ALDH1L1: variants seen among roughly 807,000 people sequenced by gnomAD.
The protein encoded by ALDH1L1 is cytosolic 10-formyltetrahydrofolate dehydrogenase.
ALDH1L1 carries 68 observed loss-of-function variants against 101.1 expected under a neutral mutation model. The observed-to-expected ratio is 0.67, with a 90% CI of 0.55 to 0.82. The LOEUF (loss-of-function observed/expected upper bound fraction) is 0.82. Among genes scored for constraint, ALDH1L1 ranks in the 40% least tolerant of loss-of-function variants. The probability of loss-of-function intolerance (pLI) is 0.00; values close to 1 mark genes in which losing one functional copy is unlikely to be tolerated. For missense variants in ALDH1L1, 1,087 were observed against 1,172.7 expected (o/e 0.93, Z 1.07); for synonymous variants, 486 against 470.8 (o/e 1.03, Z -0.42).
At chr3:126,183,665 C>T (rs768920250), upstream of ALDH1L1, among the ~76,000 whole-genome samples, 4 of 152,174 alleles carry the variant, frequency 2.6e-5, no homozygotes, top group Non-Finnish European at 5.9e-5. Flanking sequence ...GGAGCAGGCA[C>T]GTCTACAGTG....
At chr3:126,145,511 G>A (rs888785976) in intron 9 of ALDH1L1, among the ~76,000 whole-genome samples, 16 of 152,182 alleles carry the variant, frequency 1.1e-4, no homozygotes, top group Admixed American at 3.9e-4. Context: ...ATAAAAAGAA[G>A]GCAGTCCTGC....
intron 8 of ALDH1L1, 129 bp from the exon 9 acceptor site, chr3:126,147,055 A>G: frequency 1.2e-6 from 1 of 812,066 alleles, no homozygotes; most frequent in Non-Finnish European, 1.9e-6. Flanking sequence ...TGTACCTCCA[A>G]GTTGTTGCCT....
At position 126,154,635 on chromosome 3, in the gene ALDH1L1, C is replaced by A. The variant is rs1465398585; in HGVS notation, c.639G>T (p.Trp213Cys). Reference sequence around the variant, plus strand: ...TGTGAATGGCCTCTGCCGGCTGGTCCCAGTTGATCTGTGGGGAGCAAGGTG... The same window carrying A: ...TGTGAATGGCCTCTGCCGGCTGGTCACAGTTGATCTGTGGGGAGCAAGGTG... ...IQKKETAKIN[W>C]DQPAEAIHNW... The change falls in exon 6 of 23, where the codon TGG becomes TGT. Residue 213 changes from tryptophan to cysteine, a missense_variant. Trp to Cys is a radical substitution (Grantham distance 215, BLOSUM62 -2). Coordinates refer to ENST00000393434, the MANE Select transcript of ALDH1L1 (RefSeq NM_012190.4). The A allele has an allele frequency of 6.2e-7, 1 of 1,613,974 alleles. No individual in the cohort carries two copies. The highest frequency in any genetic ancestry group is 1.7e-5 in the Admixed American group (1 of 59,996).
At chr3:126,192,727 C>A (rs2081559765) in intron 1 of ALDH1L1, among the ~76,000 whole-genome samples, 1 of 152,196 alleles carries the variant, frequency 6.6e-6, no homozygotes, top group African/African-American at 2.4e-5. Flanking sequence ...TGATTCAAAA[C>A]CCCCACCACA....
At chr3:126,117,829 C>T (rs769183768) in intron 17 of ALDH1L1, among the ~76,000 whole-genome samples, 176 bp downstream of exon 17, 1 of 152,218 alleles carries the variant, frequency 6.6e-6, no homozygotes, top group Non-Finnish European at 1.5e-5. Context: ...CAGGCCTCCC[C>T]GGGGCTTTGC....
upstream of ALDH1L1, among the ~76,000 whole-genome samples, chr3:126,185,198 C>T (rs985971104): frequency 6.6e-5 from 10 of 152,214 alleles, no homozygotes; most frequent in African/African-American, 2.4e-4. Context: ...TACAGCCCTG[C>T]TCCTGCCAGG....
intron 20 of ALDH1L1, among the ~76,000 whole-genome samples, chr3:126,108,222 A>G (rs1205399619): frequency 6.6e-6 from 1 of 151,806 alleles, no homozygotes; most frequent in Non-Finnish European, 1.5e-5. Flanking sequence ...TCCCCTCCCC[A>G]TCTACCTTGT....
intron 12 of ALDH1L1, among the ~76,000 whole-genome samples, chr3:126,134,730 C>T (rs2080390260): frequency 2.0e-5 from 3 of 152,238 alleles, no homozygotes; most frequent in Admixed American, 2.0e-4. Flanking sequence ...AGGGTCTCTC[C>T]TGCCAGGTGA....
Position 126,136,669 on chromosome 3 carries a change from T to C in ALDH1L1, c.1344+95A>G, listed in dbSNP as rs2080451934. ...CAAAGGCACATGTCCAAGCAGAGAC[T>C]CTCAGGGTCAGGACCCCCAGAGGCC... is the stretch of plus-strand genomic sequence containing the variant. On this transcript the variant is annotated intron_variant, in intron 11 of 22. Transcript: ENST00000393434. 2.6e-6 allele frequency: 4 copies of C among 1,517,500 alleles called. No individual in the cohort carries two copies. The South Asian group carries it at 3.7e-5, about 14-fold the overall frequency. The allele number at this position is 1,517,500 out of a possible 1,614,324, so 94.0% of individuals were successfully genotyped here. A position where few individuals can be genotyped will look rare whatever the true frequency, so the allele number is the denominator to read the frequency against.
intron 1 of ALDH1L1, among the ~76,000 whole-genome samples, chr3:126,169,503 C>G (rs1203053544): frequency 6.6e-6 from 1 of 152,148 alleles, no homozygotes; most frequent in Non-Finnish European, 1.5e-5. Context: ...CCAATGAAAC[C>G]CTTGGAAAAC....
intron 7 of ALDH1L1, chr3:126,151,493 T>C (rs2080805834): frequency 6.6e-6 from 1 of 152,216 alleles, no homozygotes; most frequent in African/African-American, 2.4e-5. Context: ...TCAGATTTAC[T>C]GTATTTAATA....
At position 126,170,486 on chromosome 3, in the gene ALDH1L1, C is replaced by T. The variant is rs1029606673; in HGVS notation, c.-23-9484G>A. 2.1e-4 allele frequency among the ~76,000 whole-genome samples: 31 copies of T among 149,106 alleles called. 1 individual carries two copies. Among genetic ancestry groups the T allele is most frequent in the Admixed American group, 1.6e-3 (24 of 14,832 alleles). Reference sequence around the variant, plus strand: ...CAGTCGGGCCTAATAAAAAATGCTGCTGAAAAGCCTAGGACTAATGTTTTT... The same window carrying T: ...CAGTCGGGCCTAATAAAAAATGCTGTTGAAAAGCCTAGGACTAATGTTTTT... On this transcript the variant is annotated intron_variant, in intron 1 of 22. Coordinates refer to ENST00000393434, the MANE Select transcript of ALDH1L1 (RefSeq NM_012190.4).
chr3:126,146,951 G>T (rs1474323038), intron 8 of ALDH1L1, 25 bp from the exon 9 acceptor site: 1 of 1,608,042 alleles, frequency 6.2e-7, no homozygotes, highest in Non-Finnish European at 8.5e-7. Flanking sequence ...CTGATGAGAG[G>T]CTGGCCCCAG....
intron 16 of ALDH1L1, among the ~76,000 whole-genome samples, chr3:126,118,586 C>G (rs2108205232): frequency 6.6e-6 from 1 of 152,164 alleles, no homozygotes; most frequent in East Asian, 1.9e-4. Context: ...TTTCTGAAGC[C>G]CCAGTCTGCG....
At chr3:126,161,611 G>A (rs1055097111) in intron 1 of ALDH1L1, among the ~76,000 whole-genome samples, 5 of 152,164 alleles carry the variant, frequency 3.3e-5, no homozygotes, top group Non-Finnish European at 7.3e-5. Context: ...AGCTAATCAT[G>A]CACATTCTCC....
At chr3:126,127,399 C>T (rs184266831) in intron 14 of ALDH1L1, among the ~76,000 whole-genome samples, 13 of 152,294 alleles carry the variant, frequency 8.5e-5, no homozygotes, top group East Asian at 3.9e-4. Context: ...TTCTTAGGCC[C>T]GTCCCTCCCT....
chr3:126,106,552 G>A (rs1945878786), intron 21 of ALDH1L1, among the ~76,000 whole-genome samples: 1 of 152,114 alleles, frequency 6.6e-6, no homozygotes, highest in South Asian at 2.1e-4. Flanking sequence ...AACAGGCCGT[G>A]GTGGAAGGGA....
chr3:126,114,485 G>T, intron 18 of ALDH1L1, 72 bp downstream of exon 18: 2 of 1,245,674 alleles, frequency 1.6e-6, no homozygotes, highest in African/African-American at 1.5e-5. Flanking sequence ...TGGAATCAGA[G>T]ACAGGGCCTC....
chr3:126,168,057 A>G (rs1237988447), intron 1 of ALDH1L1, among the ~76,000 whole-genome samples: 1 of 152,204 alleles, frequency 6.6e-6, no homozygotes, highest in African/African-American at 2.4e-5. Context: ...TTAGTTAAAA[A>G]TTATAAAAAG....
Sources: allele counts gnomAD v4.1 joint callset (sites outside exome capture counted in the v4.1 genomes callset), GRCh38; gene constraint gnomAD v4.1.1; transcripts MANE v1.5; gene names NCBI Gene and HGNC (gene_info 2026-07-23, HGNC 2026-07-21).